Variants in RANBP2 observed in about 807,000 individuals in gnomAD.
RANBP2 encodes RAN binding protein 2.
Under a neutral mutation model 303.6 loss-of-function variants are expected in RANBP2, and 57 were observed. The observed-to-expected ratio is 0.19, with a 90% CI of 0.15 to 0.23. The LOEUF (loss-of-function observed/expected upper bound fraction) is 0.23, where lower values mean the gene tolerates loss of function less well. Ranked by LOEUF, RANBP2 falls within the 10% of genes least tolerant of loss-of-function variation. The pLI, the probability that RANBP2 is intolerant of heterozygous loss-of-function variation, is 1.00. For synonymous variants in RANBP2, 1,167 were observed against 1,301.5 expected (o/e 0.90, Z 2.23); for missense variants, 3,138 against 3,780.8 (o/e 0.83, Z 4.46).
chr2:108,725,516 C>T (rs1194314810), intron 1 of RANBP2, among the ~76,000 whole-genome samples: 1 of 152,174 alleles, frequency 6.6e-6, no homozygotes, highest in Non-Finnish European at 1.5e-5. Flanking sequence ...AATCCCAGCA[C>T]TTTGGGAGGT....
At chr2:108,959,512 T>A in the RANBP2 span, among the ~76,000 whole-genome samples, 1 of 152,200 alleles carries the variant, frequency 6.6e-6, no homozygotes, top group Non-Finnish European at 1.5e-5. Context: ...CTGTGATGCT[T>A]AAAACCTGTG....
At chr2:109,167,035 C>T in the RANBP2 span, among the ~76,000 whole-genome samples, 4 of 152,218 alleles carry the variant, frequency 2.6e-5, no homozygotes, top group African/African-American at 4.8e-5. Flanking sequence ...CACCACTCAT[C>T]GGTGTCCCGT....
chr2:109,676,331 G>A, the RANBP2 span, among the ~76,000 whole-genome samples: 11 of 152,320 alleles, frequency 7.2e-5, no homozygotes, highest in Non-Finnish European at 1.0e-4. Flanking sequence ...CTGTCACAAC[G>A]GAAGTGCTCT....
At chr2:109,568,401 T>G in the RANBP2 span, among the ~76,000 whole-genome samples, 2 of 141,012 alleles carry the variant, frequency 1.4e-5, no homozygotes, top group Admixed American at 1.5e-4. Context: ...TGAGATGGAG[T>G]CTCGCTGTAA....
the RANBP2 span, chr2:109,432,730 C>T: frequency 2.8e-5 from 44 of 1,551,246 alleles, no homozygotes; most frequent in African/African-American, 2.4e-4. Flanking sequence ...CACGCCTTAC[C>T]GCTGTTGTTA....
chr2:108,787,086 G>C (rs926547533), downstream of RANBP2, among the ~76,000 whole-genome samples: 2 of 152,242 alleles, frequency 1.3e-5, no homozygotes, highest in Admixed American at 6.5e-5. Flanking sequence ...GGCGGGCGTT[G>C]CGCTGCGGGG....
At chr2:109,729,696 AG>A in the RANBP2 span, among the ~76,000 whole-genome samples, 8 of 152,142 alleles carry the variant, frequency 5.3e-5, no homozygotes, top group African/African-American at 1.9e-4. Context: ...GATGTGGTAA[AG>A]GTAACTGAAG....
the RANBP2 span, among the ~76,000 whole-genome samples, chr2:109,510,970 C>G: frequency 6.6e-6 from 1 of 152,206 alleles, no homozygotes; most frequent in Admixed American, 6.5e-5. Context: ...CCCTCTGCGC[C>G]CGCCCCATGC....
the RANBP2 span, among the ~76,000 whole-genome samples, chr2:109,284,405 G>A: frequency 6.6e-6 from 1 of 152,202 alleles, no homozygotes; most frequent in Non-Finnish European, 1.5e-5. Flanking sequence ...CAATTGTGGG[G>A]CAGGACCTTA....
chr2:109,103,453 C>T, the RANBP2 span, among the ~76,000 whole-genome samples: 23 of 152,284 alleles, frequency 1.5e-4, no homozygotes, highest in South Asian at 1.0e-3. Context: ...GGTATACATT[C>T]GGTCCTGAAA....
chr2:109,341,737 C>T, the RANBP2 span, among the ~76,000 whole-genome samples: 2 of 152,282 alleles, frequency 1.3e-5, no homozygotes, highest in African/African-American at 2.4e-5. Flanking sequence ...CCATGCAGCC[C>T]GTGGGAAGGC....
At chr2:109,683,711 C>A in the RANBP2 span, among the ~76,000 whole-genome samples, 1 of 152,048 alleles carries the variant, frequency 6.6e-6, no homozygotes, top group Admixed American at 6.6e-5. Context: ...TTGCCCAAAT[C>A]ACTTCCAGGA....
chr2:108,786,902 G>C (rs1192835928), downstream of RANBP2: 5 of 1,547,128 alleles, frequency 3.2e-6, no homozygotes, highest in Non-Finnish European at 4.3e-6. Context: ...CTCGGGGGCA[G>C]CTGCCCCGAC....
At chr2:109,264,478 C>T in the RANBP2 span, among the ~76,000 whole-genome samples, 1 of 152,266 alleles carries the variant, frequency 6.6e-6, no homozygotes, top group Non-Finnish European at 1.5e-5. Context: ...ATATGTCCTG[C>T]TGGGCTTCTT....
the RANBP2 span, among the ~76,000 whole-genome samples, chr2:109,595,231 T>C: frequency 6.6e-6 from 1 of 152,156 alleles, no homozygotes; most frequent in African/African-American, 2.4e-5. Flanking sequence ...AAAATGACAC[T>C]TGTCAGTTGG....
At chr2:109,467,630 A>AT in the RANBP2 span, among the ~76,000 whole-genome samples, 27 of 152,230 alleles carry the variant, frequency 1.8e-4, no homozygotes, top group Non-Finnish European at 7.3e-5. Context: ...ACAGCACTTT[A>AT]TTTTTAAAAA....
the RANBP2 span, among the ~76,000 whole-genome samples, chr2:109,064,412 C>T: frequency 1.1e-4 from 16 of 143,392 alleles, no homozygotes; most frequent in Admixed American, 5.8e-4. Context: ...GCTGAGATCA[C>T]GCCACTCCAC....
chr2:109,102,290 C>T, the RANBP2 span, among the ~76,000 whole-genome samples: 17 of 151,708 alleles, frequency 1.1e-4, no homozygotes, highest in Non-Finnish European at 1.2e-4. Flanking sequence ...TTAGTAGAGA[C>T]GGGGTTTCAC....
chr2:108,734,535 A>G lies in RANBP2; in HGVS notation c.406-997A>G, dbSNP rs1370526559. 2.0e-5 allele frequency among the ~76,000 whole-genome samples: 3 copies of G among 151,846 alleles called. No homozygotes were observed. In the East Asian group the frequency reaches 5.8e-4, roughly 29 times the overall value. On this transcript the variant is annotated intron_variant, in intron 4 of 28. Coordinates refer to ENST00000283195, the MANE Select transcript of RANBP2 (RefSeq NM_006267.5). ...ATTAGTTGAAGGGATCTGTAAGCAA[A>G]CAGTAATTATGGATATAAGGGATTA... is the stretch of plus-strand genomic sequence containing the variant.
Sources: gnomAD v4.1 joint callset for allele counts (sites outside exome capture counted in the v4.1 genomes callset) on GRCh38, gnomAD v4.1.1 for gene constraint, MANE v1.5 for transcripts, NCBI Gene and HGNC (gene_info 2026-07-23, HGNC 2026-07-21) for gene names.